C1QTNF3: variants seen among roughly 807,000 people sequenced by gnomAD.
C1QTNF3 encodes C1q and TNF related 3.
Under a neutral mutation model 32.6 loss-of-function variants are expected in C1QTNF3, and 26 were observed. The observed-to-expected ratio is 0.80, with a 90% CI of 0.58 to 1.11. The LOEUF is 1.11. Ranked by LOEUF, C1QTNF3 falls within the 50% of genes least tolerant of loss-of-function variation. C1QTNF3 has a pLI of 0.00. For missense variants in C1QTNF3, 362 were observed against 398.2 expected, an observed-to-expected ratio of 0.91 and a Z score of 0.77; for synonymous variants, 155 against 146.0, an observed-to-expected ratio of 1.06 and a Z score of -0.44.
the C1QTNF3 span, among the ~76,000 whole-genome samples, chr5:34,137,707 C>A: frequency 6.6e-6 from 1 of 152,214 alleles, no homozygotes; most frequent in South Asian, 2.1e-4. Context: ...CATGCACACA[C>A]ATATGAGTGC....
the C1QTNF3 span, among the ~76,000 whole-genome samples, chr5:34,224,071 A>T: frequency 6.6e-6 from 1 of 152,182 alleles, no homozygotes; most frequent in Non-Finnish European, 1.5e-5. Flanking sequence ...AGAGAATCAA[A>T]TACCTAGGAA....
At chr5:34,126,288 CTT>C in the C1QTNF3 span, among the ~76,000 whole-genome samples, 1 of 151,380 alleles carries the variant, frequency 6.6e-6, no homozygotes, top group African/African-American at 2.4e-5. Flanking sequence ...ATTGAAACCT[CTT>C]TTGTTACTTC....
At chr5:34,203,409 C>T in the C1QTNF3 span, among the ~76,000 whole-genome samples, 1 of 152,110 alleles carries the variant, frequency 6.6e-6, no homozygotes, top group South Asian at 2.1e-4. Context: ...GATATTGGGC[C>T]AGGTGCAGTT....
At chr5:34,213,777 G>GTATACATATATATATATATA in the C1QTNF3 span, among the ~76,000 whole-genome samples, 1 of 26,536 alleles carries the variant, frequency 3.8e-5, no homozygotes, top group South Asian at 1.4e-3. Context: ...ACACATACGT[G>GTATACATATATATATATATA]TATATATACA....
At chr5:34,138,032 C>T in the C1QTNF3 span, among the ~76,000 whole-genome samples, 1 of 152,160 alleles carries the variant, frequency 6.6e-6, no homozygotes, top group Non-Finnish European at 1.5e-5. Flanking sequence ...GACAGAGACA[C>T]CAGACAAATG....
the C1QTNF3 span, among the ~76,000 whole-genome samples, chr5:34,163,942 C>A: frequency 6.6e-6 from 1 of 152,006 alleles, no homozygotes; most frequent in Non-Finnish European, 1.5e-5. Context: ...AAACAAAAAA[C>A]CAATTGATTT....
the C1QTNF3 span, among the ~76,000 whole-genome samples, chr5:34,142,147 G>C: frequency 6.6e-6 from 1 of 151,976 alleles, no homozygotes; most frequent in Non-Finnish European, 1.5e-5. Flanking sequence ...AAGAAACAGA[G>C]GCAGCTGGGC....
rs545485390 is a variant in C1QTNF3 at position 34,036,461 on chromosome 5, T to C, written c.304-703A>G. Reference sequence around the variant, plus strand: ...ATACTAAATTGAGCTAATTAACATATGTGTTGTCTCATATACTGTTTTTGT... The same window carrying C: ...ATACTAAATTGAGCTAATTAACATACGTGTTGTCTCATATACTGTTTTTGT... On this transcript the variant is annotated intron_variant, in intron 1 of 5. Transcript: ENST00000382065. 7.2e-5 allele frequency among the ~76,000 whole-genome samples: 11 copies of C among 152,342 alleles called. No homozygotes were observed. In the East Asian group the frequency reaches 1.9e-3, roughly 27 times the overall value.
At chr5:34,130,357 A>G in the C1QTNF3 span, among the ~76,000 whole-genome samples, 2 of 151,864 alleles carry the variant, frequency 1.3e-5, no homozygotes, top group African/African-American at 4.8e-5. Flanking sequence ...TTAAATCCAA[A>G]TCATTACATA....
chr5:34,168,934 G>C, the C1QTNF3 span: 2 of 152,090 alleles, frequency 1.3e-5, no homozygotes, highest in African/African-American at 2.4e-5. Context: ...AAATCCTTTG[G>C]GAAATGATTA....
At chr5:34,166,420 A>G in the C1QTNF3 span, 3 of 152,128 alleles carry the variant, frequency 2.0e-5, no homozygotes, top group Admixed American at 6.6e-5. Flanking sequence ...AAATGGAAAA[A>G]AAAACAAAAA....
chr5:34,087,889 A>G, the C1QTNF3 span, among the ~76,000 whole-genome samples: 9 of 152,100 alleles, frequency 5.9e-5, no homozygotes, highest in Non-Finnish European at 1.0e-4. Context: ...TGGCCCTTTT[A>G]TTTTTTTATT....
At chr5:34,198,909 T>A in the C1QTNF3 span, among the ~76,000 whole-genome samples, 1 of 62,818 alleles carries the variant, frequency 1.6e-5, no homozygotes, top group Non-Finnish European at 3.1e-5. Flanking sequence ...AACTCATACA[T>A]GATCAAATCT....
At chr5:34,227,823 T>A in the C1QTNF3 span, among the ~76,000 whole-genome samples, 2 of 151,942 alleles carry the variant, frequency 1.3e-5, no homozygotes, top group African/African-American at 4.8e-5. Context: ...TATAACTATA[T>A]CCTTACAACT....
At chr5:34,148,009 C>A in the C1QTNF3 span, among the ~76,000 whole-genome samples, 26 of 152,148 alleles carry the variant, frequency 1.7e-4, no homozygotes, top group Admixed American at 8.5e-4. Context: ...GCACCATGCG[C>A]GAGCCGAAGC....
At chr5:34,058,219 A>G in the C1QTNF3 span, among the ~76,000 whole-genome samples, 1 of 151,162 alleles carries the variant, frequency 6.6e-6, no homozygotes, top group African/African-American at 2.4e-5. Flanking sequence ...TTTTTTTCAG[A>G]TCCAATTCCC....
the C1QTNF3 span, among the ~76,000 whole-genome samples, chr5:34,145,189 C>T: frequency 6.6e-6 from 1 of 151,640 alleles, no homozygotes; most frequent in African/African-American, 2.4e-5. Context: ...AATTGAGGTG[C>T]AAAAATCCAT....
At chr5:34,085,889 C>T in the C1QTNF3 span, among the ~76,000 whole-genome samples, 5 of 151,340 alleles carry the variant, frequency 3.3e-5, no homozygotes, top group African/African-American at 4.9e-5. Context: ...GGCAATTCCT[C>T]AAGGATCTAG....
the C1QTNF3 span, among the ~76,000 whole-genome samples, chr5:34,239,065 A>T: frequency 6.6e-6 from 1 of 152,198 alleles, no homozygotes; most frequent in African/African-American, 2.4e-5. Context: ...TGAAGAAGAA[A>T]CAAATTTCTT....
Sources: gnomAD v4.1 joint callset for allele counts (sites outside exome capture counted in the v4.1 genomes callset) on GRCh38, gnomAD v4.1.1 for gene constraint, MANE v1.5 for transcripts, NCBI Gene and HGNC (gene_info 2026-07-23, HGNC 2026-07-21) for gene names.